The following ADAMTS20 variants were observed in gnomAD, a reference collection of about 807,000 sequenced individuals.
The protein encoded by ADAMTS20 is ADAM metallopeptidase with thrombospondin type 1 motif 20.
Under a neutral mutation model 260.1 loss-of-function variants are expected in ADAMTS20, and 225 were observed. The observed-to-expected ratio is 0.87, with a 90% confidence interval of 0.78 to 0.97. ADAMTS20 has a LOEUF of 0.97. Among genes scored for constraint, ADAMTS20 ranks in the 50% least tolerant of loss-of-function variants. ADAMTS20 has a pLI of 0.00. For missense variants in ADAMTS20, 2,400 were observed against 2,337.7 expected, an observed-to-expected ratio of 1.03 and a Z score of -0.55; for synonymous variants, 802 against 769.5, an observed-to-expected ratio of 1.04 and a Z score of -0.70.
chr12:43,550,762 T>G (rs1943500234), intron 2 of ADAMTS20, 147 bp downstream of exon 2: 1 of 1,228,586 alleles, frequency 8.1e-7, no homozygotes, highest in African/African-American at 1.5e-5. Context: ...CCGAAGGAGT[T>G]GCCTCTGGCT....
In ADAMTS20 at chr12:43,460,980, A is replaced by T. The variant is rs1325250387; in HGVS notation, c.1614+1915T>A. Among the ~76,000 whole-genome samples, 12 of 43,734 alleles carry T rather than the reference A, an allele frequency of 2.7e-4. No individual in the cohort carries two copies. The East Asian group carries it at 0.076, about 277-fold the overall frequency. 28.7% of individuals were successfully genotyped at this position (43,734 alleles called of 152,430 possible). On this transcript the variant is annotated intron_variant, in intron 11 of 38. Transcript: ENST00000389420. ...ACAACTAAATTATATATATATATAT[A>T]TATATATATTTTTTTTTTTTTTTTT... is the stretch of plus-strand genomic sequence containing the variant.
intron 3 of ADAMTS20, among the ~76,000 whole-genome samples, chr12:43,503,304 A>T (rs934165312): frequency 2.6e-5 from 4 of 152,164 alleles, no homozygotes; most frequent in Non-Finnish European, 4.4e-5. Context: ...AAAGGAGTCA[A>T]GTGAGAAGAA....
chr12:43,468,233 T>G (rs113023361), intron 8 of ADAMTS20, among the ~76,000 whole-genome samples: 3 of 152,224 alleles, frequency 2.0e-5, no homozygotes, highest in Non-Finnish European at 2.9e-5. Flanking sequence ...TTACAAATAT[T>G]TGGGGGAGTC....
rs77067213 is a variant in ADAMTS20, at chr12:43,544,521, T to C, written c.453+6388A>G. ...ATTTAATATGTAATGAGAGTACACGTGCATAAAACGTCAACTGGTACAACA... is the reference window on the plus strand; with the variant it reads ...ATTTAATATGTAATGAGAGTACACGCGCATAAAACGTCAACTGGTACAACA... On this transcript the variant is annotated intron_variant, in intron 2 of 38. Coordinates refer to ENST00000389420, the MANE Select transcript of ADAMTS20 (RefSeq NM_025003.5). 1.4e-3 allele frequency among the ~76,000 whole-genome samples: 215 copies of C among 152,256 alleles called. 2 individuals are homozygous for C. The East Asian group carries it at 0.022, about 16-fold the overall frequency.
chr12:43,478,100 C>T (rs191740680), intron 7 of ADAMTS20, among the ~76,000 whole-genome samples: 10 of 151,942 alleles, frequency 6.6e-5, no homozygotes, highest in Middle Eastern at 3.4e-3. Flanking sequence ...TTTTCAGATA[C>T]GTAATATAAA....
intron 28 of ADAMTS20, among the ~76,000 whole-genome samples, chr12:43,404,581 C>T (rs2137259943): frequency 6.6e-6 from 1 of 152,226 alleles, no homozygotes; most frequent in Non-Finnish European, 1.5e-5. Flanking sequence ...TTAAGCTTGG[C>T]TACAAAAGTA....
At chr12:43,492,334 C>T (rs1044755529) in intron 6 of ADAMTS20, among the ~76,000 whole-genome samples, 171 bp downstream of exon 6, 2 of 150,724 alleles carry the variant, frequency 1.3e-5, no homozygotes, top group Middle Eastern at 3.4e-3. Flanking sequence ...GAGCCGAGAT[C>T]GCGCCACTGC....
intron 29 of ADAMTS20, among the ~76,000 whole-genome samples, chr12:43,386,233 T>C (rs1023358141): frequency 2.6e-5 from 4 of 152,216 alleles, no homozygotes; most frequent in African/African-American, 4.8e-5. Flanking sequence ...CTAGTTCTCC[T>C]TTGCTTACGA....
intron 3 of ADAMTS20, among the ~76,000 whole-genome samples, chr12:43,504,193 C>A (rs1942809135): frequency 2.6e-5 from 4 of 152,144 alleles, no homozygotes; most frequent in Admixed American, 2.6e-4. Context: ...TGTAAACATT[C>A]CCCTTTCTCC....
rs1481273487 is a variant in ADAMTS20, at chr12:43,376,667, A to G, written c.4996-14T>C. 2 of 1,593,062 alleles carry G rather than the reference A, an allele frequency of 1.3e-6. No individual in the cohort carries two copies. The highest frequency in any genetic ancestry group is 2.2e-5 in the East Asian group (1 of 44,726). On this transcript the variant is annotated splice_polypyrimidine_tract_variant and intron_variant, in intron 32 of 38. Coordinates refer to ENST00000389420, the MANE Select transcript of ADAMTS20 (RefSeq NM_025003.5). ...AGTCACTGAGCACTGTGAAAAGAGT[A>G]AAATTTGAAGGCAAACTATATTATG...
In ADAMTS20 at chr12:43,490,384, A is replaced by G. The variant is rs989765915; in HGVS notation, c.1117+11T>C. On this transcript the variant is annotated intron_variant, in intron 7 of 38. Transcript: ENST00000389420. ...TTACATAAGCTAAACTTAATTGACA[A>G]AATAACTTACCTAACATGTTACATT... The G allele has an allele frequency of 9.0e-6, 11 of 1,219,282 alleles. No homozygotes were observed. In the African/African-American group the frequency reaches 1.3e-4, roughly 14 times the overall value. The allele number at this position is 1,219,282 out of a possible 1,614,324, so 75.5% of individuals were successfully genotyped here.
intron 29 of ADAMTS20, 27 bp from the exon 30 acceptor site, chr12:43,384,004 C>A (rs756208354): frequency 1.9e-6 from 3 of 1,567,808 alleles, no homozygotes; most frequent in Non-Finnish European, 2.6e-6. Context: ...TTGATTTGAA[C>A]AATTAGCTAA....
intron 7 of ADAMTS20, among the ~76,000 whole-genome samples, chr12:43,484,265 A>G (rs1942486685): frequency 2.0e-5 from 3 of 152,204 alleles, no homozygotes; most frequent in Non-Finnish European, 4.4e-5. Context: ...TGGCAATATT[A>G]AAAACAGGGT....
rs569257959 is a variant in ADAMTS20, at chr12:43,535,848, T to C, written c.454-3653A>G. Among the ~76,000 whole-genome samples the C allele has an allele frequency of 7.2e-5, 11 of 152,122 alleles. No individual in the cohort carries two copies. The South Asian group carries it at 2.3e-3, about 32-fold the overall frequency. ...GGAGAGCAGAGTCAAAGCAATAACT[T>C]TGAAAGACTGAACAATTGTACAACT... On this transcript the variant is annotated intron_variant, in intron 2 of 38. Coordinates refer to ENST00000389420, the MANE Select transcript of ADAMTS20 (RefSeq NM_025003.5).
intron 3 of ADAMTS20, among the ~76,000 whole-genome samples, chr12:43,528,432 C>A (rs529979885): frequency 1.4e-5 from 2 of 138,946 alleles, no homozygotes; most frequent in South Asian, 2.3e-4. Flanking sequence ...GCTATAGTAA[C>A]CAAAACAGTA....
At chr12:43,536,937 T>C (rs1418408905) in intron 2 of ADAMTS20, among the ~76,000 whole-genome samples, 1 of 152,222 alleles carries the variant, frequency 6.6e-6, no homozygotes, top group Non-Finnish European at 1.5e-5. Context: ...GCAGGTAGTA[T>C]GATAAACATA....
intron 4 of ADAMTS20, among the ~76,000 whole-genome samples, chr12:43,496,242 C>A (rs972401869): frequency 6.6e-6 from 1 of 152,150 alleles, no homozygotes; most frequent in Non-Finnish European, 1.5e-5. Flanking sequence ...TTAATTATCA[C>A]AACAAATCTT....
intron 2 of ADAMTS20, among the ~76,000 whole-genome samples, chr12:43,537,921 T>C (rs1943319387): frequency 6.6e-6 from 1 of 152,244 alleles, no homozygotes; most frequent in African/African-American, 2.4e-5. Flanking sequence ...CATCTGTTGA[T>C]GGACACTTAG....
In ADAMTS20 at chr12:43,432,348, T is replaced by C; in HGVS notation, c.3052A>G (p.Asn1018Asp). The change falls in exon 21 of 39, where the codon AAT (asparagine) becomes GAT (aspartate). Residue 1018 changes from asparagine to aspartate, a missense_variant. Physicochemically the swap from Asn to Asp is conservative, Grantham distance 23. Transcript: ENST00000389420. Reference protein sequence around the residue: ...ELSRVTRENCNEFSCPSWAAS... With the variant: ...ELSRVTRENCDEFSCPSWAAS... ...GCCCAACTGGGACAGGAAAATTCATTGCAATTCTCTCTCGTCACTCGGGAC... is the reference window on the plus strand; with the variant it reads ...GCCCAACTGGGACAGGAAAATTCATCGCAATTCTCTCTCGTCACTCGGGAC... 6.2e-7 allele frequency: 1 copy of C among 1,613,964 alleles called. No homozygotes were observed. Among genetic ancestry groups the C allele is most frequent in the Non-Finnish European group, 8.5e-7 (1 of 1,179,876 alleles).
Sources: allele counts gnomAD v4.1 joint callset (sites outside exome capture counted in the v4.1 genomes callset), GRCh38; gene constraint gnomAD v4.1.1; transcripts MANE v1.5; gene names NCBI Gene and HGNC (gene_info 2026-07-23, HGNC 2026-07-21).